UBA6: variants seen among roughly 807,000 people sequenced by gnomAD.
UBA6 encodes the protein ubiquitin-like modifier-activating enzyme 6.
UBA6 carries 87 observed loss-of-function variants against 148.3 expected under a neutral mutation model. The observed-to-expected ratio is 0.59, with a 90% confidence interval of 0.49 to 0.70. The LOEUF is 0.70. Ranked by LOEUF, UBA6 falls within the 30% of genes least tolerant of loss-of-function variation. UBA6 has a pLI of 0.00. For missense variants in UBA6, 1,186 were observed against 1,241.2 expected, an observed-to-expected ratio of 0.96 and a Z score of 0.67; for synonymous variants, 376 against 401.0, an observed-to-expected ratio of 0.94 and a Z score of 0.75.
chr4:67,622,939 T>C lies in UBA6; in HGVS notation c.2929-14A>G, dbSNP rs954902414. 1 of 1,580,088 alleles carries C rather than the reference T, an allele frequency of 6.3e-7. No individual in the cohort carries two copies. The highest frequency in any genetic ancestry group is 8.6e-7 in the Non-Finnish European group (1 of 1,160,098). ...TCCATACTTCTCCTAAAAGTGAATATCCAAAAAAGAAACAATGAAAGCCTC... is the reference window on the plus strand; with the variant it reads ...TCCATACTTCTCCTAAAAGTGAATACCCAAAAAAGAAACAATGAAAGCCTC... On this transcript the variant is annotated splice_polypyrimidine_tract_variant and intron_variant, in intron 31 of 32. Coordinates refer to ENST00000322244, the MANE Select transcript of UBA6 (RefSeq NM_018227.6).
At chr4:67,662,963 C>T in intron 12 of UBA6, 176 bp downstream of exon 12, 1 of 429,098 alleles carries the variant, frequency 2.3e-6, no homozygotes, top group South Asian at 7.7e-5. Flanking sequence ...TTTTATAAAC[C>T]AAATTTCTCC....
At chr4:67,643,257 A>G (rs144139372) in intron 17 of UBA6, among the ~76,000 whole-genome samples, 3 of 151,944 alleles carry the variant, frequency 2.0e-5, no homozygotes, top group South Asian at 2.1e-4. Context: ...TCTATCATCT[A>G]TAATTCTTAG....
intron 2 of UBA6, among the ~76,000 whole-genome samples, chr4:67,687,995 T>C (rs185515362): frequency 9.1e-4 from 138 of 152,248 alleles, no homozygotes; most frequent in African/African-American, 3.1e-3. Context: ...AGAAGAGTCA[T>C]AGTAGTAAAA....
At position 67,663,479 on chromosome 4, in the gene UBA6, T is replaced by C. The variant is rs145804672; in HGVS notation, c.961-264A>G. On this transcript the variant is annotated intron_variant, in intron 11 of 32. Transcript: ENST00000322244. ...ACTGTTAGTTCCTTCCTTATCACAT[T>C]TACTGCTACAAAATTACATCCATTT... is the stretch of plus-strand genomic sequence containing the variant. 247 of 377,950 alleles carry C rather than the reference T, an allele frequency of 6.5e-4. 2 individuals are homozygous for C. Among genetic ancestry groups the C allele is most frequent in the African/African-American group, 4.8e-3 (233 of 48,160 alleles). 23.4% of individuals were successfully genotyped at this position (377,950 alleles called of 1,614,324 possible). A position where few individuals can be genotyped will look rare whatever the true frequency, so the allele number is the denominator to read the frequency against.
chr4:67,632,995 T>C (rs533740504), intron 23 of UBA6, among the ~76,000 whole-genome samples: 1 of 152,298 alleles, frequency 6.6e-6, no homozygotes, highest in African/African-American at 2.4e-5. Context: ...CTAAATGCTT[T>C]GTGTTACCTC....
rs756085742 is a variant in UBA6, at chr4:67,677,655, G to T, written c.421C>A (p.Pro141Thr). The T allele has an allele frequency of 6.2e-7, 1 of 1,605,154 alleles. No individual in the cohort carries two copies. The highest frequency in any genetic ancestry group is 2.2e-5 in the East Asian group (1 of 44,550). The change falls in exon 6 of 33, where the codon CCT becomes ACT. Residue 141 changes from proline to threonine, a missense_variant. Pro to Thr is a conservative substitution (Grantham distance 38). Transcript: ENST00000322244. ...PYVHVTSSSV[P>T]FNETTDLSFL... ...GAGAGATCTGTGGTCTCATTGAAAG[G>T]AACAGAAGATGATGTGACATGAACG...
At chr4:67,675,071 T>C (rs1730245787) in intron 6 of UBA6, among the ~76,000 whole-genome samples, 1 of 152,250 alleles carries the variant, frequency 6.6e-6, no homozygotes, top group Non-Finnish European at 1.5e-5. Context: ...GGTTTCGCCA[T>C]GCTGGCCAGG....
chr4:67,662,092 A>G lies in UBA6; in HGVS notation c.1104+97T>C, dbSNP rs1729872052. The G allele has an allele frequency of 2.5e-6, 3 of 1,211,046 alleles. No homozygotes were observed. The African/African-American group carries it at 4.5e-5, about 18-fold the overall frequency. 75.0% of individuals were successfully genotyped at this position (1,211,046 alleles called of 1,614,324 possible). Reference sequence around the variant, plus strand: ...AAAAAGTTGTCTAATGCCACAGAGTAGCAAAGCTGGATGTGAAGGATAAGA... The same window carrying G: ...AAAAAGTTGTCTAATGCCACAGAGTGGCAAAGCTGGATGTGAAGGATAAGA... On this transcript the variant is annotated intron_variant, in intron 13 of 32. Transcript: ENST00000322244.
At chr4:67,697,457 CCT>C (rs1730868440) in intron 1 of UBA6, among the ~76,000 whole-genome samples, 1 of 152,166 alleles carries the variant, frequency 6.6e-6, no homozygotes, top group Non-Finnish European at 1.5e-5. Flanking sequence ...TGTGATCTTT[CCT>C]CTGACCTCCA....
chr4:67,689,875 A>C (rs1469320140), intron 2 of UBA6, among the ~76,000 whole-genome samples: 1 of 152,064 alleles, frequency 6.6e-6, no homozygotes, highest in Non-Finnish European at 1.5e-5. Context: ...ATCTTCTAAG[A>C]CTCAGACACT....
In UBA6 at chr4:67,625,088, T is replaced by C; in HGVS notation, c.2618A>G (p.Tyr873Cys). 6.2e-7 allele frequency: 1 copy of C among 1,613,562 alleles called. No homozygotes were observed. The highest frequency in any genetic ancestry group is 2.2e-5 in the East Asian group (1 of 44,870). The change falls in exon 29 of 33, where the codon TAC (tyrosine) becomes TGC (cysteine). Residue 873 changes from tyrosine (Y) to cysteine (C), a missense_variant. Physicochemically the swap from Tyr to Cys is radical, Grantham distance 194. Transcript: ENST00000322244. ...TAASNLRAKMYSIEPADRFKT... is the reference protein window; with the variant it reads ...TAASNLRAKMCSIEPADRFKT... ...GAAACGGTCAGCTGGTTCAATGCTG[T>C]ACATTTTGGCACGAAGATTTGATGC...
chr4:67,659,106 C>T lies in UBA6; in HGVS notation c.1104+3083G>A, dbSNP rs534376963. Among the ~76,000 whole-genome samples, 41 of 152,312 alleles carry T rather than the reference C, an allele frequency of 2.7e-4. 1 individual carries two copies. In the South Asian group the frequency reaches 7.0e-3, roughly 26 times the overall value. The stretch of plus-strand genomic sequence containing the variant: ...AATCACAGACTTCTACAATCTATTT[C>T]TAGCTTTTCATACATTTTATTTTCT... On this transcript the variant is annotated intron_variant, in intron 13 of 32. Transcript: ENST00000322244.
chr4:67,634,461 T>A lies in UBA6; in HGVS notation c.1900A>T (p.Ile634Phe). Residue 634 changes from isoleucine to phenylalanine, a missense_variant, in exon 21 of 33, where the codon ATT becomes TTT. Ile to Phe is a conservative substitution (Grantham distance 21, BLOSUM62 0). Transcript: ENST00000322244. ...CTTGCCCACTGTATGGTATGTTCAA[T>A]AGCAGCTGGAAAGGATTTTAGAGTA... ...FCTLKSFPAAIEHTIQWARDK... is the reference protein window; with the variant it reads ...FCTLKSFPAAFEHTIQWARDK... 1 of 1,589,062 alleles carries A rather than the reference T, an allele frequency of 6.3e-7. No individual in the cohort carries two copies. Among genetic ancestry groups the A allele is most frequent in the Non-Finnish European group, 8.5e-7 (1 of 1,173,484 alleles).
At chr4:67,636,351 G>C (rs1560481671) in intron 19 of UBA6, among the ~76,000 whole-genome samples, 2 of 152,128 alleles carry the variant, frequency 1.3e-5, no homozygotes, top group African/African-American at 4.8e-5. Context: ...AGTCTGTTTT[G>C]ATAAAGAAAT....
chr4:67,700,979 G>A, intron 1 of UBA6, 70 bp downstream of exon 1: 12 of 1,590,182 alleles, frequency 7.5e-6, no homozygotes, highest in South Asian at 3.3e-5. Flanking sequence ...CCGCCGGAAA[G>A]AAAGAAGCAG....
chr4:67,626,249 T>G (rs904764502), intron 28 of UBA6, 111 bp downstream of exon 28: 2 of 690,564 alleles, frequency 2.9e-6, no homozygotes, highest in African/African-American at 3.6e-5. Context: ...TCAATCAATA[T>G]TGTCATCATT....
chr4:67,619,423 C>A (rs1293515561), intron 32 of UBA6, among the ~76,000 whole-genome samples: 1 of 152,204 alleles, frequency 6.6e-6, no homozygotes, highest in East Asian at 1.9e-4. Flanking sequence ...CGCCTGTAAT[C>A]CCAGCACTTT....
At chr4:67,674,483 C>A (rs1730229660) in intron 6 of UBA6, among the ~76,000 whole-genome samples, 1 of 152,198 alleles carries the variant, frequency 6.6e-6, no homozygotes, top group Non-Finnish European at 1.5e-5. Context: ...CAACCTACTG[C>A]ATGTGCATTC....
At chr4:67,657,839 A>G (rs543728005) in intron 13 of UBA6, among the ~76,000 whole-genome samples, 257 of 151,200 alleles carry the variant, frequency 1.7e-3, no homozygotes, top group Middle Eastern at 3.4e-3. Context: ...AAAAAAAAAA[A>G]AAAAGAAAAC....
Sources: gnomAD v4.1 joint callset for allele counts (sites outside exome capture counted in the v4.1 genomes callset) on GRCh38, gnomAD v4.1.1 for gene constraint, MANE v1.5 for transcripts, NCBI Gene and HGNC (gene_info 2026-07-23, HGNC 2026-07-21) for gene names.